AGMO: variants seen among roughly 807,000 people sequenced by gnomAD.
AGMO encodes glyceryl-ether monooxygenase.
Under a neutral mutation model 60.2 loss-of-function variants are expected in AGMO, and 75 were observed. The observed-to-expected ratio is 1.25, with a 90% CI of 1.03 to 1.51. AGMO has a LOEUF of 1.51. AGMO is among the 40% of genes most tolerant of loss of function. The probability of loss-of-function intolerance (pLI) is 0.00; values close to 1 mark genes in which losing one functional copy is unlikely to be tolerated. For synonymous variants in AGMO, 261 were observed against 177.1 expected (o/e 1.47, Z -3.76); for missense variants, 763 against 525.5 (o/e 1.45, Z -4.42).
chr7:15,467,945 C>A (rs1437442540), intron 3 of AGMO, among the ~76,000 whole-genome samples: 1 of 152,092 alleles, frequency 6.6e-6, no homozygotes, highest in African/African-American at 2.4e-5. Context: ...TGCCACCCTC[C>A]CAAACAAACT....
intron 12 of AGMO, among the ~76,000 whole-genome samples, chr7:15,215,497 T>A (rs999580393): frequency 6.6e-6 from 1 of 151,926 alleles, no homozygotes; most frequent in African/African-American, 2.4e-5. Context: ...ATGATATTAG[T>A]ACATTTAATT....
chr7:15,439,188 A>G (rs946474970), intron 3 of AGMO, among the ~76,000 whole-genome samples: 13 of 152,238 alleles, frequency 8.5e-5, no homozygotes, highest in South Asian at 8.3e-4. Context: ...CACGAAGTCA[A>G]GAGATCAAGA....
At chr7:15,216,250 G>T (rs1165105137) in intron 12 of AGMO, among the ~76,000 whole-genome samples, 1 of 152,132 alleles carries the variant, frequency 6.6e-6, no homozygotes, top group African/African-American at 2.4e-5. Flanking sequence ...CAATCAGAAA[G>T]AGTATTAATG....
intron 12 of AGMO, among the ~76,000 whole-genome samples, chr7:15,269,428 T>A (rs372270595): frequency 2.4e-4 from 36 of 152,024 alleles, no homozygotes; most frequent in African/African-American, 8.7e-4. Flanking sequence ...CCGGTCCCAA[T>A]AGAATCAGAG....
At chr7:15,418,411 A>C (rs1443301427) in intron 5 of AGMO, 147 bp downstream of exon 5, 4 of 588,804 alleles carry the variant, frequency 6.8e-6, no homozygotes, top group Non-Finnish European at 1.2e-5. Flanking sequence ...ATATTCACTA[A>C]AAACGAATAA....
chr7:15,553,719 A>AAT (rs532325764), intron 2 of AGMO, among the ~76,000 whole-genome samples: 65 of 152,250 alleles, frequency 4.3e-4, no homozygotes, highest in African/African-American at 1.3e-3. Context: ...AAAATACATA[A>AAT]ATAAATAAAT....
At chr7:15,439,191 G>C (rs1781483956) in intron 3 of AGMO, among the ~76,000 whole-genome samples, 1 of 152,142 alleles carries the variant, frequency 6.6e-6, no homozygotes. Context: ...GAAGTCAAGA[G>C]ATCAAGACCA....
chr7:15,559,369 G>A (rs1785239720), intron 2 of AGMO, among the ~76,000 whole-genome samples: 1 of 152,040 alleles, frequency 6.6e-6, no homozygotes, highest in South Asian at 2.1e-4. Context: ...CAATTCCATG[G>A]GACTGTAGTG....
intron 4 of AGMO, among the ~76,000 whole-genome samples, chr7:15,426,462 A>T (rs1038499260): frequency 6.6e-6 from 1 of 152,108 alleles, no homozygotes; most frequent in Non-Finnish European, 1.5e-5. Flanking sequence ...AAAAACCAAA[A>T]TCTTCCCCAG....
chr7:15,238,328 T>A (rs1315790157), intron 12 of AGMO, among the ~76,000 whole-genome samples: 1 of 151,928 alleles, frequency 6.6e-6, no homozygotes. Flanking sequence ...ACAGAAGGAA[T>A]AAGTTATAGT....
intron 12 of AGMO, among the ~76,000 whole-genome samples, chr7:15,323,527 T>G (rs978688632): frequency 5.9e-5 from 9 of 152,176 alleles, no homozygotes; most frequent in Non-Finnish European, 1.0e-4. Flanking sequence ...ATTTGAGTTT[T>G]GTCTTACAAT....
At chr7:15,504,563 T>C (rs1783463074) in intron 3 of AGMO, among the ~76,000 whole-genome samples, 1 of 152,020 alleles carries the variant, frequency 6.6e-6, no homozygotes, top group Admixed American at 6.6e-5. Flanking sequence ...CTGATCATAG[T>C]GGATTTATTT....
At chr7:15,455,780 C>T (rs183409426) in intron 3 of AGMO, among the ~76,000 whole-genome samples, 1 of 152,188 alleles carries the variant, frequency 6.6e-6, no homozygotes, top group Admixed American at 6.5e-5. Context: ...CATTTTGATT[C>T]CACCTCCTTT....
chr7:15,196,789 A>T (rs58037013), downstream of AGMO, among the ~76,000 whole-genome samples: 7,152 of 152,282 alleles, frequency 0.047, 525 homozygotes, highest in African/African-American at 0.16. Flanking sequence ...TGAAGAAAGA[A>T]CATGCCCAAG....
At chr7:15,432,972 A>G (rs1358744559) in intron 3 of AGMO, among the ~76,000 whole-genome samples, 1 of 152,046 alleles carries the variant, frequency 6.6e-6, no homozygotes, top group Non-Finnish European at 1.5e-5. Flanking sequence ...CCGCTTACAG[A>G]TAGAGATCCT....
intron 3 of AGMO, among the ~76,000 whole-genome samples, chr7:15,498,752 A>T (rs1365917704): frequency 2.0e-5 from 3 of 151,952 alleles, no homozygotes; most frequent in Non-Finnish European, 4.4e-5. Flanking sequence ...TGAACATGTA[A>T]ATGGTATCTG....
At chr7:15,183,489 A>C in the AGMO span, among the ~76,000 whole-genome samples, 1 of 152,228 alleles carries the variant, frequency 6.6e-6, no homozygotes. Context: ...CAATATTATC[A>C]ACCGCATCCT....
At chr7:15,241,173 A>C (rs1004744498) in intron 12 of AGMO, among the ~76,000 whole-genome samples, 15 of 151,904 alleles carry the variant, frequency 9.9e-5, no homozygotes, top group African/African-American at 3.6e-4. Context: ...TCTATCACTC[A>C]AGTAAAGACT....
At chr7:15,476,395 A>G (rs1217787430) in intron 3 of AGMO, among the ~76,000 whole-genome samples, 3 of 152,086 alleles carry the variant, frequency 2.0e-5, no homozygotes, top group Non-Finnish European at 4.4e-5. Flanking sequence ...TATTCTTTCC[A>G]TGGAATGCTT....
Sources: allele counts gnomAD v4.1 joint callset (sites outside exome capture counted in the v4.1 genomes callset), GRCh38; gene constraint gnomAD v4.1.1; transcripts MANE v1.5; gene names NCBI Gene and HGNC (gene_info 2026-07-23, HGNC 2026-07-21).